The following PKD1L1 variants were observed in gnomAD, a reference collection of about 807,000 sequenced individuals.
The protein encoded by PKD1L1 is polycystin-1-like protein 1.
Under a neutral mutation model 323.4 loss-of-function variants are expected in PKD1L1, and 236 were observed. The ratio of observed to expected loss-of-function variants is 0.73; its 90% CI spans 0.66 to 0.81. The LOEUF (loss-of-function observed/expected upper bound fraction) is 0.81. Among genes scored for constraint, PKD1L1 ranks in the 40% least tolerant of loss-of-function variants. The pLI is 0.00. For synonymous variants in PKD1L1, 1,344 were observed against 1,335.0 expected, an observed-to-expected ratio of 1.01 and a Z score of -0.15; for missense variants, 3,320 against 3,508.0, an observed-to-expected ratio of 0.95 and a Z score of 1.35.
intron 24 of PKD1L1, among the ~76,000 whole-genome samples, chr7:47,870,182 C>A (rs75966944): frequency 4.5e-4 from 31 of 69,450 alleles, no homozygotes; most frequent in African/African-American, 9.6e-4. Context: ...ACAACAACAA[C>A]AAAAAAAAAC....
At chr7:47,814,869 A>T (rs1227927506) in intron 47 of PKD1L1, among the ~76,000 whole-genome samples, 1 of 152,220 alleles carries the variant, frequency 6.6e-6, no homozygotes, top group Non-Finnish European at 1.5e-5. Flanking sequence ...AAGGAATGGG[A>T]TTATGCAAAA....
intron 44 of PKD1L1, among the ~76,000 whole-genome samples, chr7:47,828,228 C>T (rs1381235406): frequency 2.0e-5 from 3 of 152,050 alleles, no homozygotes; most frequent in African/African-American, 7.2e-5. Context: ...GCTAATGAGC[C>T]ATGCATAGGT....
intron 46 of PKD1L1, among the ~76,000 whole-genome samples, chr7:47,820,641 C>T (rs1300862440): frequency 6.6e-6 from 1 of 152,012 alleles, no homozygotes; most frequent in Non-Finnish European, 1.5e-5. Flanking sequence ...GCAGGAGAAT[C>T]GCTTGAACCT....
upstream of PKD1L1, among the ~76,000 whole-genome samples, chr7:47,950,103 C>G (rs577862603): frequency 1.3e-5 from 2 of 152,328 alleles, no homozygotes; most frequent in East Asian, 3.9e-4. Context: ...AAACTGCAAA[C>G]TGCAGTTTGT....
At chr7:47,848,243 C>T (rs2123609) in intron 31 of PKD1L1, among the ~76,000 whole-genome samples, 4 of 151,960 alleles carry the variant, frequency 2.6e-5, no homozygotes, top group Non-Finnish European at 4.4e-5. Context: ...CACTCCTCCC[C>T]CTACATGTAA....
At chr7:47,900,991 C>T (rs1327861803) in intron 13 of PKD1L1, among the ~76,000 whole-genome samples, 1 of 152,046 alleles carries the variant, frequency 6.6e-6, no homozygotes, top group Non-Finnish European at 1.5e-5. Flanking sequence ...TCACCTACTG[C>T]CTGGATTTGA....
rs1786574215 is a variant in PKD1L1 at position 47,882,232 on chromosome 7, T to A, written c.3266-147A>T. On this transcript the variant is annotated intron_variant, in intron 19 of 56. Transcript: ENST00000289672. ...ATATAATGTCTTCAGCAGCCAAACA[T>A]ATTCAAGACATGTACTTTGTTAACA... is the stretch of plus-strand genomic sequence containing the variant. 5.9e-6 allele frequency: 5 copies of A among 852,786 alleles called. No homozygotes were observed. In the Admixed American group the frequency reaches 1.2e-4, roughly 20 times the overall value. The allele number at this position is 852,786 out of a possible 1,614,324, so 52.8% of individuals were successfully genotyped here. A position where few individuals can be genotyped will look rare whatever the true frequency, so the allele number is the denominator to read the frequency against.
At chr7:47,916,982 C>G (rs1244995935) in intron 7 of PKD1L1, among the ~76,000 whole-genome samples, 1 of 152,070 alleles carries the variant, frequency 6.6e-6, no homozygotes, top group Admixed American at 6.6e-5. Flanking sequence ...AGAAGAAATC[C>G]CCAGTTTACC....
At chr7:47,919,053 C>CA (rs1340372512) in intron 7 of PKD1L1, among the ~76,000 whole-genome samples, 1 of 151,488 alleles carries the variant, frequency 6.6e-6, no homozygotes, top group Non-Finnish European at 1.5e-5. Flanking sequence ...AACAAACAAA[C>CA]AAAAAATACA....
At chr7:47,879,498 T>C (rs1166565173) in intron 21 of PKD1L1, among the ~76,000 whole-genome samples, 5 of 151,300 alleles carry the variant, frequency 3.3e-5, no homozygotes, top group Non-Finnish European at 7.4e-5. Flanking sequence ...CCGGGCGTGG[T>C]GGCAGGCAGC....
chr7:47,931,391 A>G, intron 5 of PKD1L1, 70 bp from the exon 6 acceptor site: 1 of 1,527,696 alleles, frequency 6.5e-7, no homozygotes, highest in Non-Finnish European at 8.9e-7. Context: ...GATGTCCGCC[A>G]TGCTCAAAAA....
At chr7:47,950,887 C>G (rs937883373), upstream of PKD1L1, among the ~76,000 whole-genome samples, 14 of 152,182 alleles carry the variant, frequency 9.2e-5, no homozygotes, top group Non-Finnish European at 1.9e-4. Flanking sequence ...TTCCTCAGAG[C>G]AGCTGCATCC....
the PKD1L1 span, among the ~76,000 whole-genome samples, chr7:47,958,428 C>T: frequency 6.6e-6 from 1 of 152,182 alleles, no homozygotes; most frequent in Non-Finnish European, 1.5e-5. Context: ...CCACCATATA[C>T]ACAAATCAAC....
chr7:47,817,347 C>T (rs1030846168), intron 46 of PKD1L1, among the ~76,000 whole-genome samples: 2 of 152,170 alleles, frequency 1.3e-5, no homozygotes, highest in Admixed American at 6.5e-5. Flanking sequence ...GTTTCCAGCA[C>T]ACCACAAAGA....
chr7:47,881,824 C>G (rs946024297), intron 20 of PKD1L1, 85 bp downstream of exon 20: 1 of 1,362,188 alleles, frequency 7.3e-7, no homozygotes, highest in Admixed American at 2.4e-5. Flanking sequence ...TCTAGTAAAA[C>G]GAAAAGTTCA....
chr7:47,823,053 A>T (rs549886565), intron 45 of PKD1L1, among the ~76,000 whole-genome samples: 1 of 152,002 alleles, frequency 6.6e-6, no homozygotes, highest in South Asian at 2.1e-4. Flanking sequence ...ATACGTTTTT[A>T]ACTTCTTTCT....
intron 2 of PKD1L1, among the ~76,000 whole-genome samples, chr7:47,943,163 AAT>A (rs60168291): frequency 0.02 from 671 of 33,994 alleles, 5 homozygotes; most frequent in Middle Eastern, 0.048. Flanking sequence ...AAAAAAAAAA[AAT>A]ATATATATAT....
At chr7:47,812,180 G>C in intron 49 of PKD1L1, 129 bp from the exon 50 acceptor site, 1 of 698,600 alleles carries the variant, frequency 1.4e-6, no homozygotes, top group Non-Finnish European at 2.4e-6. Context: ...CACAGTGCCT[G>C]GGCTTCAAGG....
chr7:47,824,422 A>G (rs2128733388), intron 45 of PKD1L1, among the ~76,000 whole-genome samples: 1 of 152,302 alleles, frequency 6.6e-6, no homozygotes, highest in East Asian at 1.9e-4. Context: ...TTACCCCACA[A>G]TAAATCAACA....
Sources: gnomAD v4.1 joint callset for allele counts (sites outside exome capture counted in the v4.1 genomes callset) on GRCh38, gnomAD v4.1.1 for gene constraint, MANE v1.5 for transcripts, NCBI Gene and HGNC (gene_info 2026-07-23, HGNC 2026-07-21) for gene names.